MSI2: variants seen among roughly 807,000 people sequenced by gnomAD.
MSI2 encodes the protein RNA-binding protein Musashi homolog 2.
In MSI2, 17 loss-of-function variants were observed where a neutral mutation model predicts 45.6. That is an observed-to-expected ratio of 0.37 (90% CI 0.26 to 0.56). MSI2 has a LOEUF of 0.56. Ranked by LOEUF, MSI2 falls within the 20% of genes least tolerant of loss-of-function variation. The pLI is 0.77. For synonymous variants in MSI2, 156 were observed against 158.2 expected (o/e 0.99, Z 0.11); for missense variants, 293 against 444.2 (o/e 0.66, Z 3.06).
At chr17:57,538,895 ACTTACTTAT>A (rs923448084) in intron 7 of MSI2, among the ~76,000 whole-genome samples, 11 of 152,210 alleles carry the variant, frequency 7.2e-5, no homozygotes, top group African/African-American at 2.7e-4. Context: ...ACCTTGGGCA[ACTTACTTAT>A]CTTCTCTGCA....
At chr17:57,444,834 A>G (rs1356489786) in intron 6 of MSI2, 1 of 152,392 alleles carries the variant, frequency 6.6e-6, no homozygotes, top group Non-Finnish European at 1.5e-5. Context: ...CTCTGTGGCT[A>G]TAATTAAGCC....
At chr17:57,477,385 C>G (rs990247462) in intron 6 of MSI2, among the ~76,000 whole-genome samples, 1 of 152,132 alleles carries the variant, frequency 6.6e-6, no homozygotes, top group Non-Finnish European at 1.5e-5. Flanking sequence ...GCTCGAAACC[C>G]TTGACACTGC....
intron 11 of MSI2, among the ~76,000 whole-genome samples, chr17:57,654,380 T>C (rs1427746278): frequency 6.6e-6 from 1 of 152,270 alleles, no homozygotes; most frequent in East Asian, 1.9e-4. Flanking sequence ...GCGTTCTGCC[T>C]TTCTTTCTTT....
chr17:57,413,918 T>TC (rs2084244524), intron 6 of MSI2, among the ~76,000 whole-genome samples: 1 of 151,984 alleles, frequency 6.6e-6, no homozygotes, highest in African/African-American at 2.4e-5. Context: ...ATTCATTTGT[T>TC]CATTGATTCA....
intron 6 of MSI2, among the ~76,000 whole-genome samples, chr17:57,435,751 G>A (rs376562560): frequency 6.6e-5 from 10 of 152,208 alleles, no homozygotes; most frequent in Non-Finnish European, 1.0e-4. Flanking sequence ...AATGCCCCTC[G>A]GTCCTTGGGG....
At chr17:57,589,520 G>A (rs1904625812) in intron 7 of MSI2, among the ~76,000 whole-genome samples, 1 of 151,952 alleles carries the variant, frequency 6.6e-6, no homozygotes, top group Non-Finnish European at 1.5e-5. Context: ...TCATGGAGGT[G>A]ACCTAGAAAC....
At position 57,262,149 on chromosome 17, in the gene MSI2, A is replaced by G; in HGVS notation, c.271-2A>G. 6.2e-7 allele frequency: 1 copy of G among 1,613,774 alleles called. No homozygotes were observed. The highest frequency in any genetic ancestry group is 2.2e-5 in the East Asian group (1 of 44,876). On this transcript the variant is annotated splice_acceptor_variant, in intron 4 of 13. Transcript: ENST00000284073. LOFTEE classifies it high-confidence loss of function. ...CTCCTGCTTTTCTATTTTTTTTCCCAGATTGACCCCAAAGTTGCATTTCCT... is the reference window on the plus strand; with the variant it reads ...CTCCTGCTTTTCTATTTTTTTTCCCGGATTGACCCCAAAGTTGCATTTCCT...
intron 10 of MSI2, among the ~76,000 whole-genome samples, chr17:57,639,070 C>G (rs1167897607): frequency 1.3e-5 from 2 of 152,122 alleles, no homozygotes. Flanking sequence ...TCTCTGGGGT[C>G]TCTTTTATAA....
intron 11 of MSI2, 107 bp from the exon 12 acceptor site, chr17:57,674,865 C>T (rs866903598): frequency 6.1e-6 from 9 of 1,481,196 alleles, no homozygotes; most frequent in Middle Eastern, 1.8e-4. Flanking sequence ...TTGTAATGAC[C>T]GGTGCATGCC....
chr17:57,564,327 G>T (rs530698498), intron 7 of MSI2, among the ~76,000 whole-genome samples: 1 of 152,210 alleles, frequency 6.6e-6, no homozygotes, highest in Non-Finnish European at 1.5e-5. Context: ...TGGTATGGCC[G>T]TGGCTTGCAT....
intron 6 of MSI2, among the ~76,000 whole-genome samples, chr17:57,515,195 T>C (rs1047389726): frequency 1.3e-5 from 2 of 149,464 alleles, no homozygotes; most frequent in African/African-American, 4.8e-5. Context: ...CTTTTTTATC[T>C]GAGTCTATTT....
intron 10 of MSI2, chr17:57,631,603 A>C (rs949468630): frequency 5.2e-6 from 3 of 580,258 alleles, no homozygotes; most frequent in East Asian, 5.9e-5. Context: ...GTGGTGACCA[A>C]CCACTCTGGG....
At chr17:57,366,021 C>T (rs922482836) in intron 5 of MSI2, among the ~76,000 whole-genome samples, 15 of 152,124 alleles carry the variant, frequency 9.9e-5, no homozygotes, top group African/African-American at 3.6e-4. Context: ...TCAAGGGAGC[C>T]TCCCACCTCA....
intron 6 of MSI2, among the ~76,000 whole-genome samples, chr17:57,409,488 A>G (rs79342449): frequency 0.016 from 2,381 of 152,310 alleles, 65 homozygotes; most frequent in African/African-American, 0.055. Flanking sequence ...TGCTGCTTCC[A>G]TTTCTTCCTC....
chr17:57,431,833 C>T (rs142651903), intron 6 of MSI2, among the ~76,000 whole-genome samples: 3 of 152,276 alleles, frequency 2.0e-5, no homozygotes, highest in East Asian at 1.9e-4. Context: ...TCACTCTCTG[C>T]CCCCAGTGTC....
At chr17:57,689,539 A>T (rs1289664551), downstream of MSI2, among the ~76,000 whole-genome samples, 2 of 152,208 alleles carry the variant, frequency 1.3e-5, no homozygotes, top group Non-Finnish European at 2.9e-5. Flanking sequence ...AGATACATTG[A>T]GGTATGAAAT....
At chr17:57,458,786 GA>G (rs1479741692) in intron 6 of MSI2, among the ~76,000 whole-genome samples, 10 of 152,174 alleles carry the variant, frequency 6.6e-5, no homozygotes, top group African/African-American at 2.4e-4. Context: ...TTCAAGGTGG[GA>G]TACAGGTGGG....
intron 6 of MSI2, among the ~76,000 whole-genome samples, chr17:57,475,077 TC>T (rs1411982641): frequency 6.6e-6 from 1 of 152,232 alleles, no homozygotes; most frequent in Non-Finnish European, 1.5e-5. Context: ...AGGTGCTTGA[TC>T]CAGTGTTGCC....
chr17:57,575,025 T>C (rs887070518), intron 7 of MSI2, among the ~76,000 whole-genome samples: 23 of 152,052 alleles, frequency 1.5e-4, no homozygotes, highest in African/African-American at 5.6e-4. Flanking sequence ...AGAGATGGGG[T>C]TTCACTGTGT....
Sources: gnomAD v4.1 joint callset for allele counts (sites outside exome capture counted in the v4.1 genomes callset) on GRCh38, gnomAD v4.1.1 for gene constraint, MANE v1.5 for transcripts, NCBI Gene and HGNC (gene_info 2026-07-23, HGNC 2026-07-21) for gene names.